PCDH9: variants seen among roughly 807,000 people sequenced by gnomAD.
The protein encoded by PCDH9 is protocadherin-9.
A neutral mutation model predicts 70.6 loss-of-function variants in PCDH9; 24 were observed. The ratio of observed to expected loss-of-function variants is 0.34; its 90% CI spans 0.25 to 0.48. PCDH9 has a LOEUF of 0.48. PCDH9 is among the 20% of genes least tolerant of loss of function. The pLI is 0.99. For missense variants in PCDH9, 1,281 were observed against 1,503.6 expected, an observed-to-expected ratio of 0.85 and a Z score of 2.45; for synonymous variants, 562 against 558.5, an observed-to-expected ratio of 1.01 and a Z score of -0.09.
intron 4 of PCDH9, among the ~76,000 whole-genome samples, chr13:66,426,261 A>G (rs1286654725): frequency 6.6e-6 from 1 of 151,544 alleles, no homozygotes; most frequent in Non-Finnish European, 1.5e-5. Context: ...AATTAGAACT[A>G]ATGAATGGTA....
intron 3 of PCDH9, among the ~76,000 whole-genome samples, chr13:66,876,497 G>T (rs2081813680): frequency 6.6e-6 from 1 of 152,038 alleles, no homozygotes; most frequent in South Asian, 2.1e-4. Context: ...ATGCCAAAAA[G>T]ACCAATGGAA....
chr13:67,016,403 C>T lies in PCDH9; in HGVS notation c.3037-112798G>A, dbSNP rs564954910. Among the ~76,000 whole-genome samples, 7 of 152,144 alleles carry T rather than the reference C, an allele frequency of 4.6e-5. No homozygotes were observed. The South Asian group carries it at 1.2e-3, about 27-fold the overall frequency. On this transcript the variant is annotated intron_variant, in intron 2 of 4. Transcript: ENST00000377865. ...TTATGAGGACAAATGAGATAATGTC[C>T]GTAAAACAGTTTGAGCTACTCAAGA...
At chr13:66,777,718 G>A (rs1044047949) in intron 3 of PCDH9, among the ~76,000 whole-genome samples, 6 of 152,210 alleles carry the variant, frequency 3.9e-5, no homozygotes, top group South Asian at 4.1e-4. Context: ...GTGGAAGTCA[G>A]TGTGGCGATT....
chr13:67,206,350 G>A (rs2089345325), intron 2 of PCDH9: 1 of 152,022 alleles, frequency 6.6e-6, no homozygotes. Flanking sequence ...ATTTTTAGTA[G>A]AGACAGGGTT....
intron 3 of PCDH9, among the ~76,000 whole-genome samples, chr13:66,664,051 C>T (rs1234678109): frequency 1.3e-5 from 2 of 152,198 alleles, no homozygotes; most frequent in African/African-American, 4.8e-5. Context: ...AACAGCCAGC[C>T]AGACCACTGT....
At chr13:66,381,271 A>G (rs1306446262) in intron 4 of PCDH9, among the ~76,000 whole-genome samples, 2 of 152,174 alleles carry the variant, frequency 1.3e-5, no homozygotes, top group African/African-American at 2.4e-5. Context: ...AAAATAATAG[A>G]TCTTTAGGAT....
intron 4 of PCDH9, among the ~76,000 whole-genome samples, chr13:66,538,314 C>A (rs1163291300): frequency 6.6e-6 from 1 of 152,134 alleles, no homozygotes; most frequent in Non-Finnish European, 1.5e-5. Flanking sequence ...CTTTTCAATA[C>A]CTTTTTATAG....
intron 2 of PCDH9, among the ~76,000 whole-genome samples, chr13:67,139,450 A>G (rs992257931): frequency 6.6e-6 from 1 of 152,168 alleles, no homozygotes; most frequent in African/African-American, 2.4e-5. Flanking sequence ...ATAATACAAA[A>G]TTATCCGACT....
intron 4 of PCDH9, among the ~76,000 whole-genome samples, chr13:66,502,851 G>C (rs1028529267): frequency 6.6e-6 from 1 of 152,066 alleles, no homozygotes; most frequent in African/African-American, 2.4e-5. Flanking sequence ...CTTATGGCTT[G>C]TTGAATGTGA....
At chr13:66,660,492 A>G (rs1432607565) in intron 3 of PCDH9, among the ~76,000 whole-genome samples, 2 of 152,188 alleles carry the variant, frequency 1.3e-5, no homozygotes, top group African/African-American at 4.8e-5. Context: ...CTGATTTCAA[A>G]TGCCCAATAC....
chr13:66,810,006 G>GA (rs533154712), intron 3 of PCDH9, among the ~76,000 whole-genome samples: 12 of 151,722 alleles, frequency 7.9e-5, no homozygotes, highest in Non-Finnish European at 1.5e-4. Flanking sequence ...AATGCTCAGA[G>GA]AAAAAAAATT....
At chr13:66,867,401 T>C (rs904168695) in intron 3 of PCDH9, among the ~76,000 whole-genome samples, 1 of 152,158 alleles carries the variant, frequency 6.6e-6, no homozygotes, top group Admixed American at 6.5e-5. Context: ...TAATTGCTTA[T>C]CTCTAAGTAA....
intron 2 of PCDH9, among the ~76,000 whole-genome samples, chr13:67,099,405 G>A (rs1451592627): frequency 6.6e-6 from 1 of 152,152 alleles, no homozygotes; most frequent in Non-Finnish European, 1.5e-5. Context: ...GCAAATTAAT[G>A]AGGTAAATGT....
At chr13:67,020,856 T>C (rs952626186) in intron 2 of PCDH9, among the ~76,000 whole-genome samples, 1 of 152,210 alleles carries the variant, frequency 6.6e-6, no homozygotes, top group Non-Finnish European at 1.5e-5. Flanking sequence ...ATGGTATATT[T>C]TTATTCAGTA....
chr13:67,200,017 A>G (rs563468213), intron 2 of PCDH9, among the ~76,000 whole-genome samples: 2 of 152,250 alleles, frequency 1.3e-5, no homozygotes, highest in African/African-American at 4.8e-5. Flanking sequence ...GCCTCTGGTT[A>G]AAATAAATAT....
intron 4 of PCDH9, among the ~76,000 whole-genome samples, chr13:66,598,850 C>A (rs970811582): frequency 6.6e-6 from 1 of 151,796 alleles, no homozygotes; most frequent in African/African-American, 2.4e-5. Context: ...TTTGGCCTTG[C>A]AATTATTTAC....
At chr13:66,756,831 A>C (rs1279692046) in intron 3 of PCDH9, among the ~76,000 whole-genome samples, 2 of 151,954 alleles carry the variant, frequency 1.3e-5, no homozygotes, top group Non-Finnish European at 2.9e-5. Context: ...TGATTGATTT[A>C]TTTTATTATT....
chr13:66,567,212 G>T (rs61298603), intron 4 of PCDH9, among the ~76,000 whole-genome samples: 1,901 of 152,194 alleles, frequency 0.012, 35 homozygotes, highest in African/African-American at 0.042. Flanking sequence ...GGTGCTGCAT[G>T]GGATATAATA....
chr13:66,816,544 C>T (rs1024891497), intron 3 of PCDH9, among the ~76,000 whole-genome samples: 1 of 152,086 alleles, frequency 6.6e-6, no homozygotes, highest in Non-Finnish European at 1.5e-5. Context: ...TGTTCTCTTC[C>T]TACCCTCTCC....
Sources: allele counts gnomAD v4.1 joint callset (sites outside exome capture counted in the v4.1 genomes callset), GRCh38; gene constraint gnomAD v4.1.1; transcripts MANE v1.5; gene names NCBI Gene and HGNC (gene_info 2026-07-23, HGNC 2026-07-21).